The following EDA2R variants were observed in gnomAD, a reference collection of about 807,000 sequenced individuals.
EDA2R encodes the protein ectodysplasin A2 receptor.
A neutral mutation model predicts 20.1 loss-of-function variants in EDA2R; 26 were observed. The observed-to-expected ratio is 1.30, with a 90% CI of 0.95 to 1.80. The LOEUF (loss-of-function observed/expected upper bound fraction) is 1.80, where lower values mean the gene tolerates loss of function less well. Ranked by LOEUF, EDA2R falls within the 40% of genes most tolerant of loss-of-function variation. The probability of loss-of-function intolerance (pLI) is 0.00; values close to 1 mark genes in which losing one functional copy is unlikely to be tolerated. For missense variants in EDA2R, 277 were observed against 228.7 expected, an observed-to-expected ratio of 1.21 and a Z score of -1.36; for synonymous variants, 114 against 88.7, an observed-to-expected ratio of 1.29 and a Z score of -1.60.
intron 2 of EDA2R, among the ~76,000 whole-genome samples, chrX:66,610,933 T>C (rs1930631448): frequency 9.0e-6 from 1 of 111,133 alleles, no homozygotes; most frequent in African/African-American, 3.3e-5. Context: ...TCTGAGATTA[T>C]TTTCCCCCAC....
rs147251511 is a variant in EDA2R, at chrX:66,605,661, C to T, written c.88-435G>A. On this transcript the variant is annotated intron_variant, in intron 2 of 6. Coordinates refer to ENST00000374719, the MANE Select transcript of EDA2R (RefSeq NM_021783.5). The stretch of plus-strand genomic sequence containing the variant: ...TTTATGATTGAAACATTGTGAACTG[C>T]GTACAAGCTCTTAAAGTTTTCCCCA... Among the ~76,000 whole-genome samples, 698 of 111,737 alleles carry T rather than the reference C, an allele frequency of 6.2e-3. 9 individuals are homozygous for T. The highest frequency in any genetic ancestry group is 0.022 in the African/African-American group (664 of 30,758).
chrX:66,611,982 T>A (rs773779139), intron 2 of EDA2R, among the ~76,000 whole-genome samples: 2 of 111,789 alleles, frequency 1.8e-5, no homozygotes, highest in East Asian at 5.6e-4. Context: ...GATACGACAG[T>A]GGGTTTCTGT....
intron 1 of EDA2R, among the ~76,000 whole-genome samples, chrX:66,630,836 C>CACAT (rs1462664943): frequency 1.8e-5 from 2 of 108,128 alleles, no homozygotes; most frequent in African/African-American, 6.7e-5. Flanking sequence ...CACACACACA[C>CACAT]ACACACACAC....
intron 2 of EDA2R, 93 bp downstream of exon 2, chrX:66,615,841 G>T: frequency 1.5e-6 from 1 of 655,655 alleles, no homozygotes; most frequent in Non-Finnish European, 2.4e-6. Context: ...TCAGTCATAA[G>T]TAGGGCTGAC....
At chrX:66,632,045 C>G (rs897527280) in intron 1 of EDA2R, among the ~76,000 whole-genome samples, 3 of 111,567 alleles carry the variant, frequency 2.7e-5, no homozygotes, top group Non-Finnish European at 5.6e-5. Context: ...AAAAAAAATC[C>G]TACGCTCTAG....
chrX:66,634,269 G>T (rs1030566107), intron 1 of EDA2R, among the ~76,000 whole-genome samples: 1 of 112,277 alleles, frequency 8.9e-6, no homozygotes, highest in African/African-American at 3.2e-5. Flanking sequence ...TACTTTGTGA[G>T]GTTGTGGAGG....
intron 5 of EDA2R, 154 bp from the exon 6 acceptor site, chrX:66,600,014 T>C (rs1928265991): frequency 8.7e-7 from 1 of 1,149,850 alleles, no homozygotes. Context: ...CAGGCTGAGG[T>C]GACACAGTTG....
At chrX:66,620,080 C>T (rs1468779709) in intron 1 of EDA2R, among the ~76,000 whole-genome samples, 1 of 111,409 alleles carries the variant, frequency 9.0e-6, no homozygotes. Flanking sequence ...TTGAAATTCA[C>T]ATAAATTTGA....
chrX:66,626,467 A>C (rs2147957065), intron 1 of EDA2R, among the ~76,000 whole-genome samples: 1 of 112,056 alleles, frequency 8.9e-6, no homozygotes, highest in African/African-American at 3.2e-5. Context: ...ACAAAGACAA[A>C]GAAAAAACAG....
At position 66,599,733 on chromosome X, in the gene EDA2R, G is replaced by T. The variant is rs773419483; in HGVS notation, c.645C>A (p.Asn215Lys). 1 of 1,210,317 alleles carries T rather than the reference G, an allele frequency of 8.3e-7. No individual in the cohort carries two copies. The highest frequency in any genetic ancestry group is 1.1e-6 in the Non-Finnish European group (1 of 895,014). The change falls in exon 6 of 7, where the codon AAC becomes AAA. Residue 215 changes from asparagine to lysine, a missense_variant. Physicochemically the swap from Asn to Lys is moderately conservative, Grantham distance 94. Transcript: ENST00000374719. ...SENIFQTQPLNPILEDDCSST... is the reference protein window; with the variant it reads ...SENIFQTQPLKPILEDDCSST... ...AGCTGCAGTCGTCCTCGAGGATAGG[G>T]TTAAGTGGCTGGGTCTGAAAGATGT... is the stretch of plus-strand genomic sequence containing the variant.
At chrX:66,618,863 A>G (rs1034372370) in intron 1 of EDA2R, among the ~76,000 whole-genome samples, 10 of 112,595 alleles carry the variant, frequency 8.9e-5, no homozygotes, top group Non-Finnish European at 1.5e-4. Context: ...TTAATTCTGC[A>G]TCCTCAAACA....
rs1928111863 is a variant in EDA2R, at chrX:66,599,507, G to C, written c.871C>G (p.Pro291Ala). The change falls in exon 6 of 7, where the codon CCC becomes GCC. Residue 291 changes from proline to alanine, a missense_variant. By Grantham distance (27) the Pro-to-Ala change is conservative. Coordinates refer to ENST00000374719, the MANE Select transcript of EDA2R (RefSeq NM_021783.5). ...AGTTAAGGGCTGGGAACTTCAAAGG[G>C]CACATTGAGCTCCAGCCTGTCTCCA... ...STGDRLELNVPFEVPSP is the reference protein window; with the variant it reads ...STGDRLELNVAFEVPSP 8.5e-7 allele frequency: 1 copy of C among 1,170,250 alleles called. No individual in the cohort carries two copies. The highest frequency in any genetic ancestry group is 1.1e-6 in the Non-Finnish European group (1 of 870,731).
At position 66,600,202 on chromosome X, in the gene EDA2R, A is replaced by G. The variant is rs1928303701; in HGVS notation, c.518-342T>C. ...CTATGTACATTAAGTTACATGGCAA[A>G]CTAGACTCTGCAGATGGAATTAAAG... On this transcript the variant is annotated intron_variant, in intron 5 of 6. Transcript: ENST00000374719. 5.4e-6 allele frequency: 3 copies of G among 559,010 alleles called. No homozygotes were observed. The Admixed American group carries it at 1.2e-4, about 22-fold the overall frequency. The allele number at this position is 559,010 out of a possible 1,213,427, so 46.1% of individuals were successfully genotyped here.
intron 1 of EDA2R, among the ~76,000 whole-genome samples, chrX:66,619,517 G>A (rs994623647): frequency 1.8e-5 from 2 of 111,750 alleles, no homozygotes; most frequent in African/African-American, 3.3e-5. Context: ...ACAACCTAAG[G>A]TTATGGCTGC....
rs1404451530 is a variant in EDA2R at position 66,613,914 on chromosome X, C to A, written c.87+2020G>T. On this transcript the variant is annotated intron_variant, in intron 2 of 6. Transcript: ENST00000374719. ...AGATGCTTCTAGCTGCTTATTCAAA[C>A]AATTGCCCCTCTTCTTCCTTACTAT... 1.4e-4 allele frequency among the ~76,000 whole-genome samples: 16 copies of A among 111,419 alleles called. No homozygotes were observed. In the East Asian group the frequency reaches 3.9e-3, roughly 27 times the overall value.
intron 1 of EDA2R, among the ~76,000 whole-genome samples, chrX:66,635,713 G>C (rs1204729039): frequency 8.9e-6 from 1 of 111,881 alleles, no homozygotes; most frequent in African/African-American, 3.3e-5. Flanking sequence ...TAAGAAAAAT[G>C]TGTCTTGCAG....
At chrX:66,618,376 C>A (rs1353528920) in intron 1 of EDA2R, among the ~76,000 whole-genome samples, 2 of 112,072 alleles carry the variant, frequency 1.8e-5, no homozygotes, top group East Asian at 2.8e-4. Context: ...GAAAGTCAGA[C>A]CTTATATGAA....
Position 66,604,405 on chromosome X carries a change from A to G in EDA2R, c.352+16T>C, listed in dbSNP as rs1342807555. 2 of 1,194,455 alleles carry G rather than the reference A, an allele frequency of 1.7e-6. No homozygotes were observed. Among genetic ancestry groups the G allele is most frequent in the Non-Finnish European group, 2.3e-6 (2 of 884,819 alleles). ...ATGGGATGAGGAGAAAGGGAAGAAG[A>G]GAACTGGGTACACACATTGAACCTC... On this transcript the variant is annotated intron_variant, in intron 4 of 6. Coordinates refer to ENST00000374719, the MANE Select transcript of EDA2R (RefSeq NM_021783.5).
intron 4 of EDA2R, among the ~76,000 whole-genome samples, chrX:66,603,564 C>A (rs917001431): frequency 9.0e-6 from 1 of 111,179 alleles, no homozygotes; most frequent in Non-Finnish European, 1.9e-5. Flanking sequence ...AATGCACAGT[C>A]AAATGATGTA....
Sources: gnomAD v4.1 joint callset for allele counts (sites outside exome capture counted in the v4.1 genomes callset) on GRCh38, gnomAD v4.1.1 for gene constraint, MANE v1.5 for transcripts, NCBI Gene and HGNC (gene_info 2026-07-23, HGNC 2026-07-21) for gene names.